The following TMEM138 variants were observed in gnomAD, a reference collection of about 807,000 sequenced individuals.
The protein encoded by TMEM138 is transmembrane protein 138.
Under a neutral mutation model 18.1 loss-of-function variants are expected in TMEM138, and 9 were observed. The observed-to-expected ratio is 0.50, with a 90% CI of 0.30 to 0.87. The LOEUF is 0.87. Ranked by LOEUF, TMEM138 falls within the 40% of genes least tolerant of loss-of-function variation. TMEM138 has a pLI of 0.06. For synonymous variants in TMEM138, 79 were observed against 74.8 expected, an observed-to-expected ratio of 1.06 and a Z score of -0.29; for missense variants, 189 against 190.6, an observed-to-expected ratio of 0.99 and a Z score of 0.05.
At chr11:61,376,326 A>G (rs534806954), downstream of TMEM138, among the ~76,000 whole-genome samples, 1 of 152,068 alleles carries the variant, frequency 6.6e-6, no homozygotes, top group South Asian at 2.1e-4. Flanking sequence ...TCCAGCCTGG[A>G]TGACAGAGCA....
At chr11:61,368,333 C>A in intron 4 of TMEM138, 1 of 510,672 alleles carries the variant, frequency 2.0e-6, no homozygotes, top group Non-Finnish European at 3.6e-6. Flanking sequence ...TCACACCATT[C>A]TCCTGCCTCA....
At chr11:61,367,806 A>G in intron 3 of TMEM138, 117 bp from the exon 4 acceptor site, 1 of 704,332 alleles carries the variant, frequency 1.4e-6, no homozygotes, top group South Asian at 1.7e-5. Flanking sequence ...GGGGTTGTAG[A>G]AAGGAGGAAG....
intron 4 of TMEM138, 31 bp downstream of exon 4, chr11:61,368,029 C>A: frequency 7.0e-7 from 1 of 1,435,970 alleles, no homozygotes; most frequent in Non-Finnish European, 9.8e-7. Flanking sequence ...AGGCCTCTCT[C>A]AGGTCCCACA....
chr11:61,374,118 C>T (rs1361447089), downstream of TMEM138, among the ~76,000 whole-genome samples: 1 of 150,106 alleles, frequency 6.7e-6, no homozygotes, highest in Admixed American at 6.7e-5. Flanking sequence ...TCTGGGATTA[C>T]AGGCCTGAGC....
chr11:61,366,163 A>G lies in TMEM138; in HGVS notation c.247A>G (p.Ile83Val), dbSNP rs200399046. The G allele has an allele frequency of 3.4e-4, 550 of 1,614,236 alleles. No individual in the cohort carries two copies. The highest frequency in any genetic ancestry group is 3.9e-4 in the Non-Finnish European group (458 of 1,180,044). The change falls in exon 3 of 5, where the codon ATC becomes GTC. Residue 83 changes from isoleucine to valine, a missense_variant. By Grantham distance (29) the Ile-to-Val change is conservative (BLOSUM62 3). Coordinates refer to ENST00000278826, the MANE Select transcript of TMEM138 (RefSeq NM_016464.5). Reference sequence around the variant, plus strand: ...ATTCCATAAGTTCAAAGGGACCATCATCCTGACAGCTGTGTACTTTGCCCT... The same window carrying G: ...ATTCCATAAGTTCAAAGGGACCATCGTCCTGACAGCTGTGTACTTTGCCCT... ...LLFHKFKGTI[I>V]LTAVYFALSI...
chr11:61,368,807 C>A lies in TMEM138; in HGVS notation c.*98C>A. On this transcript the variant is annotated 3_prime_UTR_variant, in exon 5 of 5. Transcript: ENST00000278826. ...CCCTATGCATGGGCAAACAGCTGGA[C>A]TTTCCAAGGAAGGTTCAGACTAGCT... The A allele has an allele frequency of 1.1e-6, 1 of 888,194 alleles. No homozygotes were observed. Among genetic ancestry groups the A allele is most frequent in the Non-Finnish European group, 1.8e-6 (1 of 545,712 alleles). 55.0% of individuals were successfully genotyped at this position (888,194 alleles called of 1,614,324 possible).
Position 61,364,333 on chromosome 11 carries a change from A to C in TMEM138, c.-58A>C, listed in dbSNP as rs1858057311. 6.3e-7 allele frequency: 1 copy of C among 1,598,042 alleles called. No homozygotes were observed. The highest frequency in any genetic ancestry group is 8.5e-7 in the Non-Finnish European group (1 of 1,170,498). On this transcript the variant is annotated 5_prime_UTR_variant, in exon 2 of 5. Transcript: ENST00000278826. ...CCTCAGTGGTAGGGAGACAGCCAGGAGCGGTTTTCTGGGAACTGTGGGATG... is the reference window on the plus strand; with the variant it reads ...CCTCAGTGGTAGGGAGACAGCCAGGCGCGGTTTTCTGGGAACTGTGGGATG...
intron 3 of TMEM138, 38 bp from the exon 4 acceptor site, chr11:61,367,885 G>A: frequency 1.4e-6 from 2 of 1,392,004 alleles, no homozygotes; most frequent in Non-Finnish European, 2.0e-6. Flanking sequence ...AGGGCTTCTT[G>A]TGGCCATTAA....
chr11:61,372,177 G>GAAA (rs34248583), downstream of TMEM138, among the ~76,000 whole-genome samples: 1 of 128,902 alleles, frequency 7.8e-6, no homozygotes. Flanking sequence ...CTCTGTCTCA[G>GAAA]AAAAAAAAAA....
downstream of TMEM138, among the ~76,000 whole-genome samples, chr11:61,376,258 A>C (rs1435293836): frequency 6.6e-6 from 1 of 152,080 alleles, no homozygotes; most frequent in African/African-American, 2.4e-5. Context: ...CTGAGGTGGG[A>C]TAATCACTTG....
At chr11:61,364,889 C>CAA (rs1292472815) in intron 2 of TMEM138, 116 of 105,856 alleles carry the variant, frequency 1.1e-3, no homozygotes, top group South Asian at 3.2e-3. Context: ...GACCCTATCT[C>CAA]AAAAAAAAAA....
rs1366808624 is a variant in TMEM138 at position 61,369,476 on chromosome 11, A to C, written c.*767A>C. ...AGCCTTAACTGCCCTCAGAAGAATAAAAATATTCCCTTAGCCAGCTTTGGC... is the reference window on the plus strand; with the variant it reads ...AGCCTTAACTGCCCTCAGAAGAATACAAATATTCCCTTAGCCAGCTTTGGC... On this transcript the variant is annotated 3_prime_UTR_variant, in exon 5 of 5. Coordinates refer to ENST00000278826, the MANE Select transcript of TMEM138 (RefSeq NM_016464.5). 6.6e-6 allele frequency: 1 copy of C among 152,248 alleles called. No individual in the cohort carries two copies. The highest frequency in any genetic ancestry group is 1.5e-5 in the Non-Finnish European group (1 of 68,048). The allele number at this position is 152,248 out of a possible 1,614,324, so 9.4% of individuals were successfully genotyped here.
rs554213709 is a variant in TMEM138, at chr11:61,366,042, C to T, written c.129-3C>T. 2 of 1,610,874 alleles carry T rather than the reference C, an allele frequency of 1.2e-6. No homozygotes were observed. The highest frequency in any genetic ancestry group is 3.4e-5 in the Admixed American group (2 of 59,456). ...TTGGTTGTACTTTTTTTTATGTCTA[C>T]AGCATCCAGGATATTGCAGTCCTCT... On this transcript the variant is annotated splice_region_variant and splice_polypyrimidine_tract_variant and intron_variant, in intron 2 of 4. Transcript: ENST00000278826.
downstream of TMEM138, among the ~76,000 whole-genome samples, chr11:61,375,317 C>CTTTTTTTTTTTTTTTTTTTTTTTTTTTT (rs71043758): frequency 1.5e-5 from 1 of 65,326 alleles, no homozygotes; most frequent in Non-Finnish European, 3.1e-5. Context: ...TGTGAGTATT[C>CTTTTTTTTTTTTTTTTTTTTTTTTTTTT]TTTTTTTTTT....
rs771224190 is a variant in TMEM138, at chr11:61,367,927, T to TAC, written c.306_307dup (p.Arg103HisfsTer24). On this transcript the variant is annotated frameshift_variant, in exon 4 of 5. Transcript: ENST00000278826. LOFTEE classifies it high-confidence loss of function. ...TGTATCTCACATCTCCTTCAGAACT[T>TAC]ACGCTGGAAAAACTCCAACAGCTTC... 1.9e-6 allele frequency: 3 copies of TAC among 1,610,680 alleles called. No homozygotes were observed. The highest frequency in any genetic ancestry group is 2.2e-5 in the East Asian group (1 of 44,874).
At chr11:61,373,623 T>A (rs1037744187), downstream of TMEM138, among the ~76,000 whole-genome samples, 5 of 151,946 alleles carry the variant, frequency 3.3e-5, no homozygotes, top group African/African-American at 4.8e-5. Context: ...AAATTATAAA[T>A]AATGTCTTTT....
At chr11:61,368,109 G>T in intron 4 of TMEM138, 111 bp downstream of exon 4, 1 of 807,312 alleles carries the variant, frequency 1.2e-6, no homozygotes, top group Non-Finnish European at 2.2e-6. Flanking sequence ...GGATGGTTGT[G>T]ACAGCCACAC....
In TMEM138 at chr11:61,368,635, G is replaced by GT. The variant is rs1858243396; in HGVS notation, c.416dup (p.Arg140LysfsTer114). 1.2e-6 allele frequency: 2 copies of GT among 1,614,012 alleles called. No individual in the cohort carries two copies. Among genetic ancestry groups the GT allele is most frequent in the Non-Finnish European group, 1.7e-6 (2 of 1,179,992 alleles). ...CTGCTACTTCTATAAACGGACAGCC[G>GT]TAAGACTAGGCGATCCTCACTTCTA... On this transcript the variant is annotated frameshift_variant, in exon 5 of 5. Coordinates refer to ENST00000278826, the MANE Select transcript of TMEM138 (RefSeq NM_016464.5). LOFTEE classifies it high-confidence loss of function.
downstream of TMEM138, among the ~76,000 whole-genome samples, chr11:61,374,143 CTTTTTTTTTTT>C (rs768260657): frequency 1.6e-5 from 2 of 125,638 alleles, no homozygotes; most frequent in Admixed American, 1.6e-4. Flanking sequence ...GCGCCCAGTC[CTTTTTTTTTTT>C]TTTTTTTTTT....
Sources: gnomAD v4.1 joint callset for allele counts (sites outside exome capture counted in the v4.1 genomes callset) on GRCh38, gnomAD v4.1.1 for gene constraint, MANE v1.5 for transcripts, NCBI Gene and HGNC (gene_info 2026-07-23, HGNC 2026-07-21) for gene names.